Variants in GNPTAB observed in about 807,000 individuals in gnomAD.
GNPTAB encodes the protein N-acetylglucosamine-1-phosphotransferase subunits alpha/beta.
A neutral mutation model predicts 136.6 loss-of-function variants in GNPTAB; 92 were observed. That is an observed-to-expected ratio of 0.67 (90% CI 0.57 to 0.80). GNPTAB has a LOEUF of 0.80. Among genes scored for constraint, GNPTAB ranks in the 30% least tolerant of loss-of-function variants. The pLI is 0.00. For missense variants in GNPTAB, 1,343 were observed against 1,501.8 expected (o/e 0.89, Z 1.75); for synonymous variants, 512 against 535.1 (o/e 0.96, Z 0.60).
At chr12:101,814,292 C>A (rs1870397259) in intron 1 of GNPTAB, among the ~76,000 whole-genome samples, 1 of 151,548 alleles carries the variant, frequency 6.6e-6, no homozygotes, top group South Asian at 2.1e-4. Flanking sequence ...AGACTAAAAC[C>A]CTGTCTTGAA....
intron 1 of GNPTAB, among the ~76,000 whole-genome samples, chr12:101,812,819 T>C (rs1242531752): frequency 6.6e-6 from 1 of 152,146 alleles, no homozygotes; most frequent in Non-Finnish European, 1.5e-5. Flanking sequence ...TATTTTTGAT[T>C]GTAGAGATGG....
chr12:101,801,987 T>A (rs1214273316), intron 1 of GNPTAB, among the ~76,000 whole-genome samples: 1 of 151,902 alleles, frequency 6.6e-6, no homozygotes, highest in Non-Finnish European at 1.5e-5. Context: ...CAGGAGTTCA[T>A]GGCCAGCCTG....
chr12:101,804,200 G>A (rs2137167857), intron 1 of GNPTAB, among the ~76,000 whole-genome samples: 1 of 152,250 alleles, frequency 6.6e-6, no homozygotes, highest in South Asian at 2.1e-4. Context: ...GGGTGACAGA[G>A]TGAGACTGTC....
At chr12:101,824,106 T>C (rs1222171256) in intron 1 of GNPTAB, among the ~76,000 whole-genome samples, 2 of 152,098 alleles carry the variant, frequency 1.3e-5, no homozygotes, top group East Asian at 3.9e-4. Context: ...CACTCCCCTA[T>C]TTCTGGAGAC....
At chr12:101,787,794 T>A (rs1194757110) in intron 4 of GNPTAB, among the ~76,000 whole-genome samples, 1 of 151,372 alleles carries the variant, frequency 6.6e-6, no homozygotes, top group Non-Finnish European at 1.5e-5. Flanking sequence ...ATGCCTATAA[T>A]CCTAGCTACT....
intron 5 of GNPTAB, among the ~76,000 whole-genome samples, chr12:101,781,162 T>C (rs1953337349): frequency 6.6e-6 from 1 of 152,068 alleles, no homozygotes; most frequent in African/African-American, 2.4e-5. Context: ...TAAGTCACAG[T>C]AGGGATTGGG....
At chr12:101,758,074 T>G (rs1410848270) in intron 16 of GNPTAB, among the ~76,000 whole-genome samples, 1 of 148,974 alleles carries the variant, frequency 6.7e-6, no homozygotes, top group African/African-American at 2.5e-5. Context: ...AGTCTCACTC[T>G]ATCGCCCAGG....
chr12:101,830,029 GA>G (rs928308710), intron 1 of GNPTAB, among the ~76,000 whole-genome samples: 1 of 134,226 alleles, frequency 7.5e-6, no homozygotes, highest in Admixed American at 7.3e-5. Flanking sequence ...AAAAGAAAAA[GA>G]AAAAAACTAA....
chr12:101,758,282 G>A (rs953390647), intron 16 of GNPTAB, among the ~76,000 whole-genome samples: 9 of 152,074 alleles, frequency 5.9e-5, no homozygotes, highest in Admixed American at 2.6e-4. Context: ...CAAGTGATCC[G>A]CCCGCCTTGG....
intron 1 of GNPTAB, among the ~76,000 whole-genome samples, chr12:101,818,073 G>C (rs1273297915): frequency 6.6e-6 from 1 of 152,150 alleles, no homozygotes; most frequent in Non-Finnish European, 1.5e-5. Flanking sequence ...TCATTCCCCT[G>C]TCACTCCAAA....
intron 19 of GNPTAB, among the ~76,000 whole-genome samples, chr12:101,752,438 AAAAC>A (rs1952834656): frequency 6.6e-6 from 1 of 152,218 alleles, no homozygotes; most frequent in Non-Finnish European, 1.5e-5. Context: ...AAAACAAAAC[AAAAC>A]AAACTGCTTA....
At chr12:101,812,483 C>T (rs1870289038) in intron 1 of GNPTAB, among the ~76,000 whole-genome samples, 1 of 152,038 alleles carries the variant, frequency 6.6e-6, no homozygotes, top group Non-Finnish European at 1.5e-5. Context: ...GGGCTGGGCA[C>T]AGTGGCTCAT....
chr12:101,790,913 A>G (rs1566087914), intron 2 of GNPTAB, among the ~76,000 whole-genome samples: 1 of 151,570 alleles, frequency 6.6e-6, no homozygotes, highest in Non-Finnish European at 1.5e-5. Context: ...CTACTTTTGT[A>G]ACATATTAAA....
intron 5 of GNPTAB, 47 bp from the exon 6 acceptor site, chr12:101,780,668 A>AT (rs745746609): frequency 2.6e-6 from 3 of 1,165,544 alleles, no homozygotes; most frequent in Non-Finnish European, 2.6e-6. Context: ...ATGAATACTC[A>AT]ACTATGGTGT....
chr12:101,786,441 TAATA>T (rs1868654798), intron 4 of GNPTAB, among the ~76,000 whole-genome samples: 1 of 152,214 alleles, frequency 6.6e-6, no homozygotes, highest in Non-Finnish European at 1.5e-5. Flanking sequence ...AAACTCCCAT[TAATA>T]AGATCCCCAC....
chr12:101,826,870 A>G (rs1871107969), intron 1 of GNPTAB, among the ~76,000 whole-genome samples: 1 of 149,488 alleles, frequency 6.7e-6, no homozygotes, highest in Non-Finnish European at 1.5e-5. Context: ...CAATAGACTG[A>G]TTACCTGCTA....
chr12:101,757,055 T>C, intron 18 of GNPTAB, 157 bp downstream of exon 18: 1 of 588,428 alleles, frequency 1.7e-6, no homozygotes, highest in East Asian at 2.9e-5. Context: ...CTATCTCAAC[T>C]TGCAACTCCT....
chr12:101,827,837 G>C (rs112971824), intron 1 of GNPTAB, among the ~76,000 whole-genome samples: 10,647 of 152,084 alleles, frequency 0.07, 481 homozygotes, highest in Middle Eastern at 0.14. Context: ...GTGATGGCGG[G>C]TGCCTATAAT....
At chr12:101,801,539 C>CAAAAAAAAAAAAAAAAAAAAAAA (rs36066248) in intron 1 of GNPTAB, among the ~76,000 whole-genome samples, 1 of 42,580 alleles carries the variant, frequency 2.3e-5, no homozygotes, top group African/African-American at 7.0e-5. Context: ...GACCCTGTCT[C>CAAAAAAAAAAAAAAAAAAAAAAA]AAAAAAAAAA....
Sources: gnomAD v4.1 joint callset for allele counts (sites outside exome capture counted in the v4.1 genomes callset) on GRCh38, gnomAD v4.1.1 for gene constraint, MANE v1.5 for transcripts, NCBI Gene and HGNC (gene_info 2026-07-23, HGNC 2026-07-21) for gene names.